Variants in PPM1D observed in about 807,000 individuals in gnomAD.
The protein encoded by PPM1D is protein phosphatase, Mg2+/Mn2+ dependent 1D, also known as protein phosphatase 1D.
In PPM1D, 52 loss-of-function variants were observed where a neutral mutation model predicts 58.3. The ratio of observed to expected loss-of-function variants is 0.89; its 90% CI spans 0.71 to 1.12. The LOEUF (loss-of-function observed/expected upper bound fraction) is 1.12. PPM1D is among the 50% of genes most tolerant of loss of function. The pLI, the probability that PPM1D is intolerant of heterozygous loss-of-function variation, is 0.00. For missense variants in PPM1D, 564 were observed against 777.2 expected (o/e 0.73, Z 3.26); for synonymous variants, 278 against 285.1 (o/e 0.98, Z 0.25).
chr17:60,637,724 ACT>A (rs1164604773), intron 3 of PPM1D, among the ~76,000 whole-genome samples: 1 of 151,718 alleles, frequency 6.6e-6, no homozygotes, highest in Non-Finnish European at 1.5e-5. Flanking sequence ...GCCCTGAGAT[ACT>A]CTCACTGTTA....
At position 60,645,560 on chromosome 17, in the gene PPM1D, GTGTATATATA is replaced by G. The variant is rs2031228942; in HGVS notation, c.827-2320_827-2311del. ...TGTATATATATGTATATATATGTGT[GTGTATATATA>G]TGTATATATATATGTGTGTATATAT... On this transcript the variant is annotated intron_variant, in intron 3 of 5. Coordinates refer to ENST00000305921, the MANE Select transcript of PPM1D (RefSeq NM_003620.4). Among the ~76,000 whole-genome samples, 3 of 137,168 alleles carry G rather than the reference GTGTATATATA, an allele frequency of 2.2e-5. No individual in the cohort carries two copies. In the Admixed American group the frequency reaches 2.2e-4, roughly 10 times the overall value. The allele number at this position is 137,168 out of a possible 152,430, so 90.0% of individuals were successfully genotyped here.
In PPM1D at chr17:60,616,579, C is replaced by T. The variant is rs192925584; in HGVS notation, c.473-6942C>T. Among the ~76,000 whole-genome samples the T allele has an allele frequency of 1.9e-3, 290 of 152,026 alleles. 3 individuals carry two copies. Among genetic ancestry groups the T allele is most frequent in the African/African-American group, 6.2e-3 (257 of 41,450 alleles). On this transcript the variant is annotated intron_variant, in intron 1 of 5. Transcript: ENST00000305921. ...GAGCCAAGATCACGCCTCTGCACTCCGGCCTGGGTGACAGAGTGAGACTGT... is the reference window on the plus strand; with the variant it reads ...GAGCCAAGATCACGCCTCTGCACTCTGGCCTGGGTGACAGAGTGAGACTGT...
In PPM1D at chr17:60,663,010, C is replaced by A. The variant is rs2143730920; in HGVS notation, c.1276C>A (p.Pro426Thr). ...TPPVKSLEED[P>T]WPRVNSKDHI... ...TATTTTTCAGTCACTGGAGGAGGAT[C>A]CATGGCCAAGGGTGAATTCTAAGGA... Residue 426 changes from proline (P) to threonine (T), a missense_variant, in exon 6 of 6, where the codon CCA (proline) becomes ACA (threonine). Coordinates refer to ENST00000305921, the MANE Select transcript of PPM1D (RefSeq NM_003620.4). 6.2e-7 allele frequency: 1 copy of A among 1,606,914 alleles called. No homozygotes were observed. The highest frequency in any genetic ancestry group is 8.5e-7 in the Non-Finnish European group (1 of 1,176,524).
intron 4 of PPM1D, among the ~76,000 whole-genome samples, chr17:60,653,656 T>C (rs893191142): frequency 1.3e-5 from 2 of 152,200 alleles, no homozygotes; most frequent in Non-Finnish European, 2.9e-5. Flanking sequence ...ATCCATCCAA[T>C]CCATAAGCAT....
intron 3 of PPM1D, among the ~76,000 whole-genome samples, chr17:60,643,892 T>C (rs985224092): frequency 2.8e-5 from 4 of 142,136 alleles, no homozygotes; most frequent in African/African-American, 7.8e-5. Flanking sequence ...TCTTTTTTTT[T>C]TTTTTTTTTT....
At chr17:60,657,022 G>T in intron 5 of PPM1D, 181 bp downstream of exon 5, 1 of 1,531,002 alleles carries the variant, frequency 6.5e-7, no homozygotes, top group East Asian at 2.4e-5. Context: ...TGCCAGCCAT[G>T]TGTACAGCAC....
rs2031319184 is a variant in PPM1D, at chr17:60,650,297, T to A, written c.1017+2215T>A. Reference sequence around the variant, plus strand: ...CGGGCGCAGTGGCTCAAGCCTGTAATCCCAGCACTTTGGGAGGCCAAGGCA... The same window carrying A: ...CGGGCGCAGTGGCTCAAGCCTGTAAACCCAGCACTTTGGGAGGCCAAGGCA... On this transcript the variant is annotated intron_variant, in intron 4 of 5. Transcript: ENST00000305921. Among the ~76,000 whole-genome samples, 3 of 152,196 alleles carry A rather than the reference T, an allele frequency of 2.0e-5. No homozygotes were observed. In the South Asian group the frequency reaches 6.2e-4, roughly 31 times the overall value.
In PPM1D at chr17:60,608,845, T is replaced by TCACACCATTCTCCTGCCTC. The variant is rs1307034859; in HGVS notation, c.472+7960_472+7978dup. ...TCACTGCAAGCTCTGCCTCCTGGGT[T>TCACACCATTCTCCTGCCTC]CACACCATTCTCCTGCCTCAGCCTC... On this transcript the variant is annotated intron_variant, in intron 1 of 5. Transcript: ENST00000305921. 1.9e-4 allele frequency among the ~76,000 whole-genome samples: 29 copies of TCACACCATTCTCCTGCCTC among 151,886 alleles called. No individual in the cohort carries two copies. In the East Asian group the frequency reaches 5.7e-3, roughly 30 times the overall value.
At chr17:60,618,015 GA>G (rs2030620269) in intron 1 of PPM1D, among the ~76,000 whole-genome samples, 1 of 152,176 alleles carries the variant, frequency 6.6e-6, no homozygotes, top group Admixed American at 6.5e-5. Flanking sequence ...CTCTAAACAT[GA>G]TGGTTGTTTT....
chr17:60,645,532 A>ATGTGTATATATATGTATATATGTG (rs2031225349), intron 3 of PPM1D, among the ~76,000 whole-genome samples: 5 of 119,390 alleles, frequency 4.2e-5, no homozygotes, highest in Non-Finnish European at 7.9e-5. Context: ...GTATATATAT[A>ATGTGTATATATATGTATATATGTG]TGTGTATATA....
chr17:60,649,756 A>G (rs1047434755), intron 4 of PPM1D, among the ~76,000 whole-genome samples: 1 of 152,214 alleles, frequency 6.6e-6, no homozygotes, highest in Non-Finnish European at 1.5e-5. Context: ...AGGGATTGCA[A>G]AGGTAAATAG....
chr17:60,645,692 G>T (rs1280430229), intron 3 of PPM1D, among the ~76,000 whole-genome samples: 1 of 144,242 alleles, frequency 6.9e-6, no homozygotes, highest in East Asian at 2.0e-4. Flanking sequence ...ACATATGTAG[G>T]TAGGTAGATA....
intron 4 of PPM1D, among the ~76,000 whole-genome samples, chr17:60,654,616 C>A (rs796410648): frequency 6.9e-4 from 105 of 151,804 alleles, no homozygotes; most frequent in African/African-American, 2.4e-3. Context: ...AATTCCAGAA[C>A]TTTGGGAGGC....
intron 1 of PPM1D, among the ~76,000 whole-genome samples, chr17:60,614,653 A>T (rs2030543502): frequency 6.6e-6 from 1 of 152,136 alleles, no homozygotes; most frequent in Admixed American, 6.5e-5. Context: ...CACTGGGTCC[A>T]CACTGTCTTT....
intron 2 of PPM1D, among the ~76,000 whole-genome samples, chr17:60,629,199 A>G (rs1055275483): frequency 6.6e-6 from 1 of 152,218 alleles, no homozygotes; most frequent in Non-Finnish European, 1.5e-5. Context: ...AAGTTGTTGA[A>G]TGGACTGTAC....
chr17:60,661,319 G>A (rs1255244730), intron 5 of PPM1D, among the ~76,000 whole-genome samples: 4 of 151,700 alleles, frequency 2.6e-5, no homozygotes, highest in Non-Finnish European at 5.9e-5. Context: ...CTCTGCTTGG[G>A]CTTTTCAGAA....
chr17:60,604,847 C>T (rs2030295451), intron 1 of PPM1D: 1 of 152,216 alleles, frequency 6.6e-6, no homozygotes, highest in Non-Finnish European at 1.5e-5. Flanking sequence ...GAGACGGAGT[C>T]TCACTGTATT....
chr17:60,634,730 C>T (rs1308229612), intron 3 of PPM1D, among the ~76,000 whole-genome samples: 1 of 152,074 alleles, frequency 6.6e-6, no homozygotes, highest in Non-Finnish European at 1.5e-5. Context: ...CTTGGCTATG[C>T]TAGATGGGGG....
In PPM1D at chr17:60,635,277, G is replaced by A. The variant is rs561008698; in HGVS notation, c.826+1300G>A. On this transcript the variant is annotated intron_variant, in intron 3 of 5. Coordinates refer to ENST00000305921, the MANE Select transcript of PPM1D (RefSeq NM_003620.4). ...GTTCCCCAGGCTGGAGTGCAGTGGTGCAGTCTCGGCTCACTGTAACCTCTG... is the reference window on the plus strand; with the variant it reads ...GTTCCCCAGGCTGGAGTGCAGTGGTACAGTCTCGGCTCACTGTAACCTCTG... Among the ~76,000 whole-genome samples the A allele has an allele frequency of 7.1e-4, 107 of 151,556 alleles. 4 individuals carry two copies. The South Asian group carries it at 0.022, about 31-fold the overall frequency.
Sources: gnomAD v4.1 joint callset for allele counts (sites outside exome capture counted in the v4.1 genomes callset) on GRCh38, gnomAD v4.1.1 for gene constraint, MANE v1.5 for transcripts, NCBI Gene and HGNC (gene_info 2026-07-23, HGNC 2026-07-21) for gene names.